The following TMPRSS9 variants were observed in gnomAD, a reference collection of about 807,000 sequenced individuals.
TMPRSS9 encodes transmembrane serine protease 9.
TMPRSS9 carries 113 observed loss-of-function variants against 111.4 expected under a neutral mutation model. That is an observed-to-expected ratio of 1.01 (90% CI 0.87 to 1.19). TMPRSS9 has a LOEUF of 1.19. Ranked by LOEUF, TMPRSS9 falls within the 50% of genes most tolerant of loss-of-function variation. The pLI, the probability that TMPRSS9 is intolerant of heterozygous loss-of-function variation, is 0.00. For synonymous variants in TMPRSS9, 805 were observed against 659.1 expected (o/e 1.22, Z -3.39); for missense variants, 1,803 against 1,513.1 (o/e 1.19, Z -3.18).
At chr19:2,378,917 A>G in intron 1 of TMPRSS9, among the ~76,000 whole-genome samples, 1 of 152,120 alleles carries the variant, frequency 6.6e-6, no homozygotes, top group East Asian at 1.9e-4. Context: ...AAACCATAAG[A>G]TCTTGTGAGA....
chr19:2,380,284 A>T (rs1039034645), intron 1 of TMPRSS9, among the ~76,000 whole-genome samples: 3 of 123,954 alleles, frequency 2.4e-5, no homozygotes, highest in Admixed American at 2.2e-4. Context: ...ACCCTGTCTT[A>T]AAAAAAAACA....
At chr19:2,401,918 G>A in intron 4 of TMPRSS9, 57 bp from the exon 6 acceptor site, 1 of 1,564,814 alleles carries the variant, frequency 6.4e-7, no homozygotes, top group Non-Finnish European at 8.7e-7. Flanking sequence ...AATAGGATGT[G>A]TTCAAAGGGT....
chr19:2,425,162 C>T (rs374390088), exon 16 of TMPRSS9: 2 of 1,565,666 alleles, frequency 1.3e-6, no homozygotes, highest in East Asian at 2.4e-5. Context: ...GGGGCCGGTG[C>T]GTCGCAGCCG....
rs1568186337 is a variant in TMPRSS9 at position 2,413,993 on chromosome 19, C to CT, written c.1549dup (p.Trp517LeufsTer6). The CT allele has an allele frequency of 4.4e-6, 7 of 1,602,178 alleles. No individual in the cohort carries two copies. Among genetic ancestry groups the CT allele is most frequent in the Non-Finnish European group, 6.0e-6 (7 of 1,173,748 alleles). On this transcript the variant is annotated frameshift_variant, in exon 10 of 18. Transcript: ENST00000648592. LOFTEE classifies it high-confidence loss of function. Reference sequence around the variant, plus strand: ...AGGCCCTCAGTACCGTGCCTCTTGACTGGGTCACCGTTCCTAAGCTACAAG... The same window carrying CT: ...AGGCCCTCAGTACCGTGCCTCTTGACTTGGGTCACCGTTCCTAAGCTACAAG...
chr19:2,421,949 G>C (rs760160784), exon 14 of TMPRSS9: 2 of 1,613,198 alleles, frequency 1.2e-6, no homozygotes, highest in Admixed American at 1.7e-5. Context: ...CTCAGGTTAA[G>C]AAGCCGGGCG....
intron 10 of TMPRSS9, among the ~76,000 whole-genome samples, chr19:2,414,849 C>T (rs895199518): frequency 2.7e-5 from 4 of 147,814 alleles, no homozygotes; most frequent in Non-Finnish European, 4.4e-5. Context: ...CACTCCAGCC[C>T]GGGCAACAAG....
rs186941392 is a variant in TMPRSS9 at position 2,378,810 on chromosome 19, C to T, written c.-25-10951C>T. Among the ~76,000 whole-genome samples, 5 of 152,292 alleles carry T rather than the reference C, an allele frequency of 3.3e-5. No homozygotes were observed. The East Asian group carries it at 9.6e-4, about 29-fold the overall frequency. ...GCATGGCTGGGGAGGCCTCAGGAAACTTACAATCATGGCGGAAGGAGGAGC... is the reference window on the plus strand; with the variant it reads ...GCATGGCTGGGGAGGCCTCAGGAAATTTACAATCATGGCGGAAGGAGGAGC... On this transcript the variant is annotated intron_variant, in intron 1 of 17. Coordinates refer to the TMPRSS9 transcript ENST00000649857.
intron 1 of TMPRSS9, among the ~76,000 whole-genome samples, chr19:2,379,941 GTCT>G (rs1406528369): frequency 1.3e-5 from 2 of 151,696 alleles, no homozygotes; most frequent in African/African-American, 2.4e-5. Flanking sequence ...TAGAGATGGG[GTCT>G]TATTATGTTG....
exon 9 of TMPRSS9, chr19:2,410,295 G>C (rs1971066833): frequency 6.2e-7 from 1 of 1,613,930 alleles, no homozygotes; most frequent in Admixed American, 1.7e-5. Context: ...CCACTGTGGA[G>C]CTGCTGGACC....
intron 10 of TMPRSS9, chr19:2,414,264 C>T: frequency 2.5e-6 from 1 of 392,984 alleles, no homozygotes; most frequent in Non-Finnish European, 4.6e-6. Flanking sequence ...TTTTGAGACG[C>T]AGTCTTGCTC....
exon 9 of TMPRSS9, chr19:2,410,363 G>A: frequency 6.2e-7 from 1 of 1,613,992 alleles, no homozygotes; most frequent in Non-Finnish European, 8.5e-7. Flanking sequence ...GTGTGCGCTG[G>A]CTACCTGGAC....
chr19:2,378,769 A>G (rs554476167), intron 1 of TMPRSS9, among the ~76,000 whole-genome samples: 2 of 152,298 alleles, frequency 1.3e-5, no homozygotes, highest in Non-Finnish European at 2.9e-5. Context: ...AAGAGTTTTA[A>G]TTGACTCACA....
chr19:2,424,954 CGGGGGCGT>C (rs1971572204), intron 15 of TMPRSS9, 40 bp from the exon 17 acceptor site: 9 of 1,411,432 alleles, frequency 6.4e-6, no homozygotes, highest in Admixed American at 3.0e-5. Flanking sequence ...GGGCGGGGGC[CGGGGGCGT>C]GGGGGCTCGG....
intron 5 of TMPRSS9, among the ~76,000 whole-genome samples, chr19:2,402,244 A>G (rs866084671): frequency 6.6e-6 from 1 of 151,638 alleles, no homozygotes; most frequent in African/African-American, 2.4e-5. Context: ...ATAATAATAA[A>G]AAAAGGCCAA....
intron 1 of TMPRSS9, among the ~76,000 whole-genome samples, chr19:2,392,818 A>T (rs1230520972): frequency 1.3e-5 from 2 of 151,774 alleles, no homozygotes; most frequent in Non-Finnish European, 2.9e-5. Context: ...AGAAATTTTA[A>T]GTCTAGCTAA....
At chr19:2,425,476 G>C (rs1426576500) in exon 17 of TMPRSS9, 1 of 1,589,072 alleles carries the variant, frequency 6.3e-7, no homozygotes, top group African/African-American at 1.3e-5. Context: ...CCCGCAGGGT[G>C]GCGTGGACAG....
At chr19:2,414,738 G>A (rs1348115894) in intron 10 of TMPRSS9, among the ~76,000 whole-genome samples, 2 of 150,888 alleles carry the variant, frequency 1.3e-5, no homozygotes, top group Non-Finnish European at 3.0e-5. Flanking sequence ...ATGGTGGAGG[G>A]CACCTGTAAT....
At chr19:2,407,437 G>C (rs1017850419) in intron 7 of TMPRSS9, among the ~76,000 whole-genome samples, 1 of 151,326 alleles carries the variant, frequency 6.6e-6, no homozygotes, top group Non-Finnish European at 1.5e-5. Context: ...TGAGGCACGA[G>C]GATCACTTGA....
At chr19:2,410,268 A>G in exon 9 of TMPRSS9, 1 of 1,613,936 alleles carries the variant, frequency 6.2e-7, no homozygotes, top group African/African-American at 1.3e-5. Flanking sequence ...TGGTCAAGCC[A>G]GAGGTGCTGC....
Sources: gnomAD v4.1 joint callset for allele counts (sites outside exome capture counted in the v4.1 genomes callset) on GRCh38, gnomAD v4.1.1 for gene constraint, MANE v1.5 for transcripts, NCBI Gene and HGNC (gene_info 2026-07-23, HGNC 2026-07-21) for gene names.